The following SLC38A6 variants were observed in gnomAD, a reference collection of about 807,000 sequenced individuals.
SLC38A6 encodes solute carrier family 38 member 6.
In SLC38A6, 73 loss-of-function variants were observed where a neutral mutation model predicts 65.0. That is an observed-to-expected ratio of 1.12 (90% CI 0.93 to 1.37). The LOEUF (loss-of-function observed/expected upper bound fraction) is 1.37, where lower values mean the gene tolerates loss of function less well. SLC38A6 is among the 40% of genes most tolerant of loss of function. The pLI, the probability that SLC38A6 is intolerant of heterozygous loss-of-function variation, is 0.00. For synonymous variants in SLC38A6, 183 were observed against 178.8 expected, an observed-to-expected ratio of 1.02 and a Z score of -0.19; for missense variants, 561 against 531.1, an observed-to-expected ratio of 1.06 and a Z score of -0.55.
intron 4 of SLC38A6, 79 bp downstream of exon 4, chr14:61,016,035 A>G (rs1327365779): frequency 1.1e-5 from 12 of 1,073,106 alleles, no homozygotes; most frequent in East Asian, 2.4e-5. Flanking sequence ...AGAGACAAGT[A>G]TATACAAGAG....
chr14:61,006,351 T>C (rs992830922), intron 3 of SLC38A6, among the ~76,000 whole-genome samples: 1 of 152,102 alleles, frequency 6.6e-6, no homozygotes, highest in African/African-American at 2.4e-5. Flanking sequence ...ACTAAAGAGC[T>C]TCTTCACAGC....
At chr14:61,081,313 A>ATTAGCCAGACCTGGAAGCAGGGG (rs1473419905) in intron 16 of SLC38A6, among the ~76,000 whole-genome samples, 26 of 151,496 alleles carry the variant, frequency 1.7e-4, no homozygotes, top group South Asian at 8.3e-4. Flanking sequence ...TTCTACTTTG[A>ATTAGCCAGACCTGGAAGCAGGGG]CCAGTGCTTT....
chr14:61,020,684 G>C (rs2040299582), intron 5 of SLC38A6, among the ~76,000 whole-genome samples: 1 of 152,082 alleles, frequency 6.6e-6, no homozygotes, highest in African/African-American at 2.4e-5. Flanking sequence ...CTTCACAGTA[G>C]AAAGTCAAGA....
In SLC38A6 at chr14:61,023,438, G is replaced by A. The variant is rs1389671989; in HGVS notation, c.403+3858G>A. Among the ~76,000 whole-genome samples the A allele has an allele frequency of 4.6e-5, 7 of 151,868 alleles. No homozygotes were observed. The South Asian group carries it at 1.0e-3, about 23-fold the overall frequency. On this transcript the variant is annotated intron_variant, in intron 5 of 15. Coordinates refer to ENST00000267488, the MANE Select transcript of SLC38A6 (RefSeq NM_153811.3). ...ATACAAAAAATTAGCCAGGCTTGGG[G>A]TTGTGTGCCTGTAAGTCCCAGCTAC...
Position 60,994,541 on chromosome 14 carries a change from G to A in SLC38A6, c.310+9738G>A, listed in dbSNP as rs910389362. Reference sequence around the variant, plus strand: ...GCCTGAGCAACAAGAGCAAAACTCCGTCTCAGAAAAAAATTAGCTGGGCAT... The same window carrying A: ...GCCTGAGCAACAAGAGCAAAACTCCATCTCAGAAAAAAATTAGCTGGGCAT... On this transcript the variant is annotated intron_variant, in intron 3 of 15. Coordinates refer to ENST00000267488, the MANE Select transcript of SLC38A6 (RefSeq NM_153811.3). 5.9e-5 allele frequency among the ~76,000 whole-genome samples: 9 copies of A among 151,416 alleles called. No individual in the cohort carries two copies. In the South Asian group the frequency reaches 8.4e-4, roughly 14 times the overall value.
chr14:61,048,855 G>T (rs1352952336), intron 12 of SLC38A6, among the ~76,000 whole-genome samples: 4 of 152,130 alleles, frequency 2.6e-5, no homozygotes. Context: ...TAAGCAAGAA[G>T]TGTTAATAGC....
intron 15 of SLC38A6, among the ~76,000 whole-genome samples, chr14:61,072,732 G>A (rs189214870): frequency 2.4e-4 from 37 of 152,276 alleles, no homozygotes; most frequent in Admixed American, 1.5e-3. Flanking sequence ...TGGCTGAATA[G>A]CACTCCATTG....
In SLC38A6 at chr14:61,052,387, T is replaced by C. The variant is rs1228427826; in HGVS notation, c.1329T>C (p.Asn443=). The C allele has an allele frequency of 6.9e-6, 11 of 1,592,770 alleles. No homozygotes were observed. The highest frequency in any genetic ancestry group is 8.5e-6 in the Non-Finnish European group (10 of 1,171,500). ...VLLIFGILVG[N]FSLALIIFDW... is the part of the protein sequence containing the mutation. ...TCATCTTTGGAATTTTGGTTGGGAATTTTAGTTTAGCACTCATCATTTTTG... is the reference window on the plus strand; with the variant it reads ...TCATCTTTGGAATTTTGGTTGGGAACTTTAGTTTAGCACTCATCATTTTTG... The change falls in exon 16 of 16, where the codon AAT becomes AAC. Residue 443 remains asparagine (N), a synonymous_variant. Coordinates refer to ENST00000267488, the MANE Select transcript of SLC38A6 (RefSeq NM_153811.3).
chr14:61,052,613 A>C lies in SLC38A6; in HGVS notation c.*184A>C. On this transcript the variant is annotated 3_prime_UTR_variant, in exon 16 of 16. Transcript: ENST00000267488. ...CAGTTTTAATCAAAAAAAGAAACAAACTCGAAATGCTCTTAAATATATTGG... is the reference window on the plus strand; with the variant it reads ...CAGTTTTAATCAAAAAAAGAAACAACCTCGAAATGCTCTTAAATATATTGG... The C allele has an allele frequency of 1.4e-6, 1 of 695,514 alleles. No individual in the cohort carries two copies. Among genetic ancestry groups the C allele is most frequent in the Non-Finnish European group, 2.0e-6 (1 of 496,358 alleles). 43.1% of individuals were successfully genotyped at this position (695,514 alleles called of 1,614,324 possible). A position where few individuals can be genotyped will look rare whatever the true frequency, so the allele number is the denominator to read the frequency against.
At chr14:61,017,822 A>T (rs192001507) in intron 4 of SLC38A6, among the ~76,000 whole-genome samples, 103 of 152,284 alleles carry the variant, frequency 6.8e-4, no homozygotes, top group African/African-American at 2.4e-3. Context: ...CTGAATGAGG[A>T]GTTGTTGTTT....
intron 3 of SLC38A6, among the ~76,000 whole-genome samples, chr14:61,011,733 G>A (rs8017523): frequency 2.0e-5 from 3 of 152,048 alleles, no homozygotes; most frequent in African/African-American, 7.2e-5. Context: ...GGATGAAGCC[G>A]ACTTGATTAT....
chr14:61,009,874 T>C (rs2039426187), intron 3 of SLC38A6, among the ~76,000 whole-genome samples: 1 of 152,226 alleles, frequency 6.6e-6, no homozygotes, highest in Non-Finnish European at 1.5e-5. Context: ...AAGCATGATT[T>C]ATGTTCCTTT....
At chr14:61,061,826 T>TTTTTGTTTTG (rs539694591) in intron 15 of SLC38A6, among the ~76,000 whole-genome samples, 8 of 150,912 alleles carry the variant, frequency 5.3e-5, no homozygotes, top group African/African-American at 1.7e-4. Flanking sequence ...TGTGCAGGTT[T>TTTTTGTTTTG]TTTTGTTTTG....
At chr14:61,017,767 A>G (rs1390473771) in intron 4 of SLC38A6, among the ~76,000 whole-genome samples, 1 of 152,182 alleles carries the variant, frequency 6.6e-6, no homozygotes, top group Non-Finnish European at 1.5e-5. Context: ...TAATACATGC[A>G]CCAAAAAAGT....
rs749146277 is a variant in SLC38A6, at chr14:61,052,355, G to A, written c.1297G>A (p.Val433Ile). ...FLSWKKLGAF[V>I]LLIFGILVGN... ...TTTTTTCTTATTTCCACAGGCATTCGTTTTGCTCATCTTTGGAATTTTGGT... is the reference window on the plus strand; with the variant it reads ...TTTTTTCTTATTTCCACAGGCATTCATTTTGCTCATCTTTGGAATTTTGGT... The change falls in exon 16 of 16, where the codon GTT (valine) becomes ATT (isoleucine). Residue 433 changes from valine (V) to isoleucine (I), a missense_variant. Physicochemically the swap from Val to Ile is conservative, Grantham distance 29. Transcript: ENST00000267488. 57 of 1,575,116 alleles carry A rather than the reference G, an allele frequency of 3.6e-5. No individual in the cohort carries two copies. Among genetic ancestry groups the A allele is most frequent in the South Asian group, 4.9e-5 (4 of 82,390 alleles).
intron 3 of SLC38A6, among the ~76,000 whole-genome samples, chr14:61,001,042 A>G (rs1354199016): frequency 2.6e-5 from 4 of 152,220 alleles, no homozygotes; most frequent in Non-Finnish European, 4.4e-5. Flanking sequence ...GTATGGGTCT[A>G]TCTAAAGTGA....
At position 61,043,190 on chromosome 14, in the gene SLC38A6, A is replaced by G. The variant is rs769244772; in HGVS notation, c.668A>G (p.Asn223Ser). The change falls in exon 9 of 16, where the codon AAT becomes AGT. Residue 223 changes from asparagine to serine, a missense_variant. Transcript: ENST00000267488. Reference protein sequence around the residue: ...KWSIPCPLTLNYVEKGFQISN... With the variant: ...KWSIPCPLTLSYVEKGFQISN... ...TCCATCCCTTGTCCTCTGACATTAA[A>G]TTATGTAGAGAAAGGTTTCCAGGTA... The G allele has an allele frequency of 9.1e-6, 14 of 1,542,956 alleles. No individual in the cohort carries two copies. The South Asian group carries it at 1.5e-4, about 17-fold the overall frequency.
intron 8 of SLC38A6, among the ~76,000 whole-genome samples, chr14:61,040,329 G>C (rs139785090): frequency 6.7e-6 from 1 of 149,462 alleles, no homozygotes; most frequent in Admixed American, 6.7e-5. Flanking sequence ...ATACCACCAC[G>C]CCTGGATAAT....
intron 1 of SLC38A6, 95 bp downstream of exon 1, chr14:60,981,477 A>G: frequency 1.9e-6 from 3 of 1,539,654 alleles, no homozygotes; most frequent in Non-Finnish European, 2.6e-6. Context: ...CCGCACCGGG[A>G]CAGGGGAGAT....
Sources: gnomAD v4.1 joint callset for allele counts (sites outside exome capture counted in the v4.1 genomes callset) on GRCh38, gnomAD v4.1.1 for gene constraint, MANE v1.5 for transcripts, NCBI Gene and HGNC (gene_info 2026-07-23, HGNC 2026-07-21) for gene names.